The following WAC variants were observed in gnomAD, a reference collection of about 807,000 sequenced individuals.
WAC encodes the protein WW domain containing adaptor with coiled-coil, also known as WW domain-containing adapter protein with coiled-coil.
A neutral mutation model predicts 79.6 loss-of-function variants in WAC; 11 were observed. The ratio of observed to expected loss-of-function variants is 0.14; its 90% CI spans 0.09 to 0.23. The LOEUF is 0.23. Among genes scored for constraint, WAC ranks in the 10% least tolerant of loss-of-function variants. The probability of loss-of-function intolerance (pLI) is 1.00; values close to 1 mark genes in which losing one functional copy is unlikely to be tolerated. For synonymous variants in WAC, 304 were observed against 276.9 expected (o/e 1.10, Z -0.97); for missense variants, 728 against 773.5 (o/e 0.94, Z 0.70).
At chr10:28,559,136 A>ATGTATGTGTGTGTGTGTGTG (rs1554780980) in intron 3 of WAC, among the ~76,000 whole-genome samples, 3 of 146,660 alleles carry the variant, frequency 2.0e-5, no homozygotes, top group South Asian at 2.2e-4. Flanking sequence ...GAGAAACCTG[A>ATGTATGTGTGTGTGTGTGTG]TGTGTGTGTG....
At chr10:28,556,877 G>GCCCT (rs1838027285) in intron 3 of WAC, among the ~76,000 whole-genome samples, 5 of 151,976 alleles carry the variant, frequency 3.3e-5, no homozygotes, top group Admixed American at 3.3e-4. Context: ...TGGAAGCATG[G>GCCCT]GTTTATTTTT....
intron 3 of WAC, among the ~76,000 whole-genome samples, chr10:28,570,383 A>G (rs546049851): frequency 8.5e-4 from 130 of 152,340 alleles, no homozygotes; most frequent in African/African-American, 3.0e-3. Context: ...ATTCTTGGAT[A>G]TGACACTAAG....
intron 9 of WAC, chr10:28,611,051 A>T: frequency 1.7e-6 from 1 of 589,692 alleles, no homozygotes; most frequent in Non-Finnish European, 2.8e-6. Flanking sequence ...ATTGCCATCA[A>T]ATCTGTAATT....
At chr10:28,602,047 G>C (rs1463431298) in intron 7 of WAC, among the ~76,000 whole-genome samples, 1 of 152,160 alleles carries the variant, frequency 6.6e-6, no homozygotes, top group Non-Finnish European at 1.5e-5. Flanking sequence ...TTGATGCTGC[G>C]TATACTTTAC....
At chr10:28,608,591 T>A (rs1173172503) in intron 8 of WAC, 160 bp downstream of exon 8, 1 of 737,452 alleles carries the variant, frequency 1.4e-6, no homozygotes. Context: ...TGGAAATTTA[T>A]ATCCACTGTA....
chr10:28,579,267 C>T (rs893071796), intron 3 of WAC, among the ~76,000 whole-genome samples: 12 of 151,748 alleles, frequency 7.9e-5, no homozygotes, highest in East Asian at 5.8e-4. Context: ...GCATTGCCTC[C>T]GTTGCTTTTT....
At chr10:28,558,352 A>T (rs1838112545) in intron 3 of WAC, among the ~76,000 whole-genome samples, 1 of 152,190 alleles carries the variant, frequency 6.6e-6, no homozygotes, top group African/African-American at 2.4e-5. Context: ...AAGCTAATAT[A>T]GGGTAAATGC....
intron 3 of WAC, among the ~76,000 whole-genome samples, chr10:28,581,432 C>T (rs994700578): frequency 2.0e-5 from 3 of 151,880 alleles, no homozygotes; most frequent in Admixed American, 6.6e-5. Flanking sequence ...TGTGAGATCC[C>T]TCTGGAAGTC....
In WAC at chr10:28,533,160, A is replaced by AGCGGCGGCACCAGCG. The variant is rs1836363846; in HGVS notation, c.-412_-411insACCAGCGGCGGCGGC. ...TTGGTGGAGCGGCAGCGGCGGCACCAGCGGCGGCGGCGGCGGCGGGAGGAG... is the reference window on the plus strand; with the variant it reads ...TTGGTGGAGCGGCAGCGGCGGCACCAGCGGCGGCACCAGCGGCGGCGGCGGCGGCGGCGGGAGGAG... On this transcript the variant is annotated 5_prime_UTR_variant, in exon 1 of 14. Coordinates refer to ENST00000354911, the MANE Select transcript of WAC (RefSeq NM_016628.5). Among the ~76,000 whole-genome samples the AGCGGCGGCACCAGCG allele has an allele frequency of 6.7e-6, 1 of 149,432 alleles. No homozygotes were observed. Among genetic ancestry groups the AGCGGCGGCACCAGCG allele is most frequent in the Non-Finnish European group, 1.5e-5 (1 of 66,654 alleles).
intron 3 of WAC, among the ~76,000 whole-genome samples, chr10:28,544,209 T>G (rs932933159): frequency 6.6e-6 from 1 of 152,174 alleles, no homozygotes; most frequent in Non-Finnish European, 1.5e-5. Context: ...TAAAATTGTT[T>G]CGCATTGTGT....
intron 6 of WAC, among the ~76,000 whole-genome samples, chr10:28,593,289 G>A (rs1489129520): frequency 6.6e-6 from 1 of 152,098 alleles, no homozygotes; most frequent in Non-Finnish European, 1.5e-5. Flanking sequence ...TTGTGTTTCG[G>A]TGTATTGGTG....
intron 3 of WAC, among the ~76,000 whole-genome samples, chr10:28,568,474 G>A (rs1248373150): frequency 1.3e-5 from 2 of 152,044 alleles, no homozygotes; most frequent in Admixed American, 6.6e-5. Flanking sequence ...TCCACCTCCC[G>A]GGTTCAAGCA....
intron 3 of WAC, among the ~76,000 whole-genome samples, chr10:28,543,610 T>C (rs1837182131): frequency 6.6e-6 from 1 of 152,248 alleles, no homozygotes; most frequent in Non-Finnish European, 1.5e-5. Context: ...GTATTTTGTA[T>C]GCTTGACTTC....
At chr10:28,587,996 A>G (rs1339396968) in intron 4 of WAC, among the ~76,000 whole-genome samples, 1 of 151,886 alleles carries the variant, frequency 6.6e-6, no homozygotes, top group Admixed American at 6.6e-5. Context: ...CAAACTCCTT[A>G]TTTCCTCCAG....
At chr10:28,608,511 A>G in intron 8 of WAC, 80 bp downstream of exon 8, 5 of 1,374,060 alleles carry the variant, frequency 3.6e-6, no homozygotes, top group Non-Finnish European at 4.9e-6. Context: ...CAGTTTAGGA[A>G]TGGTCTTTGT....
chr10:28,590,615 T>C, intron 5 of WAC, 105 bp from the exon 6 acceptor site: 1 of 892,228 alleles, frequency 1.1e-6, no homozygotes, highest in Non-Finnish European at 1.7e-6. Flanking sequence ...TCACTCCTTT[T>C]GTTTTCTGTA....
At position 28,541,413 on chromosome 10, in the gene WAC, GTGTTT is replaced by G. The variant is rs1272671324; in HGVS notation, c.274+5663_274+5667del. ...AATTTTTGTGGGGTTGTGTGTGTGT[GTGTTT>G]TGTTTTTTTTTTTTTTTTTTTTTTT... On this transcript the variant is annotated intron_variant, in intron 3 of 13. Coordinates refer to ENST00000354911, the MANE Select transcript of WAC (RefSeq NM_016628.5). 1.4e-3 allele frequency among the ~76,000 whole-genome samples: 70 copies of G among 50,722 alleles called. 1 individual carries two copies. The East Asian group carries it at 0.017, about 12-fold the overall frequency. 33.3% of individuals were successfully genotyped at this position (50,722 alleles called of 152,430 possible).
chr10:28,610,581 T>G, intron 8 of WAC, 118 bp from the exon 9 acceptor site: 4 of 1,073,710 alleles, frequency 3.7e-6, no homozygotes, highest in Non-Finnish European at 5.0e-6. Context: ...GCTTTTATTT[T>G]GAGAGTTCTA....
rs1692283213 is a variant in WAC, at chr10:28,620,594, TG to T, written c.*992del. 6.6e-6 allele frequency: 1 copy of T among 152,580 alleles called. No homozygotes were observed. Among genetic ancestry groups the T allele is most frequent in the African/African-American group, 2.4e-5 (1 of 41,462 alleles). The allele number at this position is 152,580 out of a possible 1,614,324, so 9.5% of individuals were successfully genotyped here. ...AGTGCACATTAGCATTTGAACTACCTGGGGATTCTTTATCAGAACTGTTCTT... is the reference window on the plus strand; with the variant it reads ...AGTGCACATTAGCATTTGAACTACCTGGGATTCTTTATCAGAACTGTTCTT... On this transcript the variant is annotated 3_prime_UTR_variant, in exon 14 of 14. Transcript: ENST00000354911.
Sources: allele counts gnomAD v4.1 joint callset (sites outside exome capture counted in the v4.1 genomes callset), GRCh38; gene constraint gnomAD v4.1.1; transcripts MANE v1.5; gene names NCBI Gene and HGNC (gene_info 2026-07-23, HGNC 2026-07-21).